TP73: variants seen among roughly 807,000 people sequenced by gnomAD.
TP73 encodes tumor protein p73.
In TP73, 25 loss-of-function variants were observed where a neutral mutation model predicts 62.5. The observed-to-expected ratio is 0.40, with a 90% CI of 0.29 to 0.56. The LOEUF (loss-of-function observed/expected upper bound fraction) is 0.56, where lower values mean the gene tolerates loss of function less well. TP73 is among the 20% of genes least tolerant of loss of function. The pLI, the probability that TP73 is intolerant of heterozygous loss-of-function variation, is 0.46. For missense variants in TP73, 754 were observed against 913.3 expected (o/e 0.83, Z 2.25); for synonymous variants, 423 against 377.5 (o/e 1.12, Z -1.40).
chr1:3,728,064 C>T, intron 8 of TP73, 65 bp from the exon 9 acceptor site: 3 of 1,484,086 alleles, frequency 2.0e-6, no homozygotes, highest in South Asian at 2.4e-5. Flanking sequence ...TCTCCCTCCT[C>T]CCGGAAGGAG....
chr1:3,681,132 C>T (rs926074085), intron 1 of TP73, among the ~76,000 whole-genome samples: 4 of 151,514 alleles, frequency 2.6e-5, no homozygotes, highest in African/African-American at 4.8e-5. Context: ...GGGCCCGGCA[C>T]GTGGCAGCCA....
At position 3,672,281 on chromosome 1, in the gene TP73, T is replaced by C. The variant is rs1042817368; in HGVS notation, c.-33-10052T>C. 6.6e-6 allele frequency among the ~76,000 whole-genome samples: 1 copy of C among 151,894 alleles called. No individual in the cohort carries two copies. The highest frequency in any genetic ancestry group is 6.5e-5 in the Admixed American group (1 of 15,268). On this transcript the variant is annotated intron_variant, in intron 1 of 13. Transcript: ENST00000378295. This position sits in a 1 kb window ranked among gnomAD's most constrained non-coding sequence, Gnocchi z 5.3. Reference sequence around the variant, plus strand: ...TCTTGGTTGGAGGAGTGGAAGTGCTTCTCTGGGGAAAGAAAGAAGATTCTG... The same window carrying C: ...TCTTGGTTGGAGGAGTGGAAGTGCTCCTCTGGGGAAAGAAAGAAGATTCTG...
rs1181173308 is a variant in TP73, at chr1:3,671,819, T to A, written c.-33-10514T>A. 2.6e-5 allele frequency among the ~76,000 whole-genome samples: 4 copies of A among 151,918 alleles called. No individual in the cohort carries two copies. The East Asian group carries it at 5.8e-4, about 22-fold the overall frequency. Reference sequence around the variant, plus strand: ...GGACAGCCACTCTGAGGAACAGCAGTGGCTGCCTCTGGAAGGAGTGAGGGG... The same window carrying A: ...GGACAGCCACTCTGAGGAACAGCAGAGGCTGCCTCTGGAAGGAGTGAGGGG... On this transcript the variant is annotated intron_variant, in intron 1 of 13. Transcript: ENST00000378295.
intron 1 of TP73, among the ~76,000 whole-genome samples, chr1:3,679,861 G>T (rs1400388714): frequency 7.6e-6 from 1 of 131,376 alleles, no homozygotes; most frequent in African/African-American, 2.8e-5. Flanking sequence ...GTCTCTCTTT[G>T]TCCCTGTCTC....
At chr1:3,706,009 G>A (rs1050533647) in intron 3 of TP73, among the ~76,000 whole-genome samples, 80 of 152,348 alleles carry the variant, frequency 5.3e-4, no homozygotes, top group African/African-American at 1.7e-3. Context: ...GGCAGTGCAC[G>A]TTTTGTTTTT....
At chr1:3,671,153 CAGGTTTCA>C (rs1645231951) in intron 1 of TP73, among the ~76,000 whole-genome samples, 1 of 152,162 alleles carries the variant, frequency 6.6e-6, no homozygotes, top group Non-Finnish European at 1.5e-5. Flanking sequence ...GGCACCTGTC[CAGGTTTCA>C]GGGTTCCAGG....
intron 3 of TP73, among the ~76,000 whole-genome samples, chr1:3,703,137 C>T (rs2124359709): frequency 6.6e-6 from 1 of 152,318 alleles, no homozygotes; most frequent in East Asian, 1.9e-4. Context: ...TTCCCAGCTG[C>T]ATTCATAACT....
chr1:3,726,395 G>GGGGA (rs145686205), intron 6 of TP73, among the ~76,000 whole-genome samples: 3 of 91,092 alleles, frequency 3.3e-5, no homozygotes, highest in African/African-American at 4.5e-5. Flanking sequence ...AAATGGGGGA[G>GGGGA]TGGATGGATG....
In TP73 at chr1:3,733,207, C is replaced by T. The variant is rs1377488232; in HGVS notation, c.*128C>T. On this transcript the variant is annotated 3_prime_UTR_variant, in exon 14 of 14. Coordinates refer to ENST00000378295, the MANE Select transcript of TP73 (RefSeq NM_005427.4). ...GCTGTGCCCGGGGAAAGGCAAGGTCCGGCCCATCCCCAGGCACCTCACAGG... is the reference window on the plus strand; with the variant it reads ...GCTGTGCCCGGGGAAAGGCAAGGTCTGGCCCATCCCCAGGCACCTCACAGG... 16 of 1,154,358 alleles carry T rather than the reference C, an allele frequency of 1.4e-5. No homozygotes were observed. Among genetic ancestry groups the T allele is most frequent in the South Asian group, 4.8e-5 (3 of 62,162 alleles). The allele number at this position is 1,154,358 out of a possible 1,614,324, so 71.5% of individuals were successfully genotyped here. A position where few individuals can be genotyped will look rare whatever the true frequency, so the allele number is the denominator to read the frequency against.
intron 13 of TP73, among the ~76,000 whole-genome samples, chr1:3,732,099 A>G (rs1431631070): frequency 6.6e-6 from 1 of 152,200 alleles, no homozygotes; most frequent in Non-Finnish European, 1.5e-5. Context: ...GACGGTGTGA[A>G]CCACAGGGCA....
At position 3,734,022 on chromosome 1, in the gene TP73, C is replaced by T. The variant is rs1391009862; in HGVS notation, c.*943C>T. 2.0e-5 allele frequency: 3 copies of T among 149,770 alleles called. No individual in the cohort carries two copies. Among genetic ancestry groups the T allele is most frequent in the Non-Finnish European group, 4.4e-5 (3 of 67,750 alleles). 9.3% of individuals were successfully genotyped at this position (149,770 alleles called of 1,614,324 possible). On this transcript the variant is annotated 3_prime_UTR_variant, in exon 14 of 14. Coordinates refer to ENST00000378295, the MANE Select transcript of TP73 (RefSeq NM_005427.4). The surrounding 1 kb of genome is among the most constrained non-coding windows in gnomAD (Gnocchi z 4.4). ...GAAGCTGAGTGAGAAGCCAGGTGGG[C>T]GGGACTTGTTCCCAGGAAGGCCGGG... is the stretch of plus-strand genomic sequence containing the variant.
intron 1 of TP73, among the ~76,000 whole-genome samples, chr1:3,656,763 A>C (rs988779785): frequency 3.5e-4 from 53 of 152,352 alleles, no homozygotes; most frequent in African/African-American, 1.3e-3. Flanking sequence ...CCCTTCCAGA[A>C]CATCTAAGCC....
Position 3,696,882 on chromosome 1 carries a change from G to A in TP73, c.187-10667G>A, listed in dbSNP as rs944350553. 2.0e-5 allele frequency among the ~76,000 whole-genome samples: 3 copies of A among 152,150 alleles called. No homozygotes were observed. Among genetic ancestry groups the A allele is most frequent in the Admixed American group, 1.3e-4 (2 of 15,280 alleles). The stretch of plus-strand genomic sequence containing the variant: ...CGCCTGCTGTGCCTAGTGCACGCCC[G>A]CCTCCGGCCCCCCTGCCACCCTCGG... On this transcript the variant is annotated intron_variant, in intron 3 of 13. Transcript: ENST00000378295. The surrounding 1 kb of genome is among the most constrained non-coding windows in gnomAD (Gnocchi z 4.1).
chr1:3,690,321 G>A (rs550604193), intron 3 of TP73, among the ~76,000 whole-genome samples: 2 of 152,162 alleles, frequency 1.3e-5, no homozygotes, highest in Non-Finnish European at 1.5e-5. Flanking sequence ...CGCGCAGGGG[G>A]CAGGTGCGCC....
chr1:3,661,862 C>T (rs1301431096), intron 1 of TP73, among the ~76,000 whole-genome samples: 1 of 145,406 alleles, frequency 6.9e-6, no homozygotes, highest in African/African-American at 2.5e-5. Flanking sequence ...TATATATATA[C>T]ACACAATATA....
intron 3 of TP73, among the ~76,000 whole-genome samples, chr1:3,690,302 C>G (rs950273238): frequency 4.7e-4 from 72 of 152,322 alleles, no homozygotes; most frequent in African/African-American, 1.6e-3. Context: ...GGCGGACCAC[C>G]GAGTTCCCCG....
chr1:3,717,425 C>T (rs1003513002), intron 4 of TP73, among the ~76,000 whole-genome samples: 3 of 152,222 alleles, frequency 2.0e-5, no homozygotes, highest in Non-Finnish European at 2.9e-5. Context: ...GGACGGTGCA[C>T]GCACCCTGGG....
At chr1:3,668,956 C>T (rs1204169404) in intron 1 of TP73, among the ~76,000 whole-genome samples, 3 of 152,214 alleles carry the variant, frequency 2.0e-5, no homozygotes, top group Non-Finnish European at 4.4e-5. Flanking sequence ...GGCTCCAGGC[C>T]CGTCTCCAGC....
intron 3 of TP73, chr1:3,690,536 C>A: frequency 1.1e-6 from 1 of 920,388 alleles, no homozygotes; most frequent in Non-Finnish European, 1.4e-6. Flanking sequence ...ATGGAGCCGG[C>A]GCTGACCGGC....
Sources: allele counts gnomAD v4.1 joint callset (sites outside exome capture counted in the v4.1 genomes callset), GRCh38; gene constraint gnomAD v4.1.1; non-coding constraint Gnocchi (gnomAD v3.1); transcripts MANE v1.5; gene names NCBI Gene and HGNC (gene_info 2026-07-23, HGNC 2026-07-21).